The following RAB2A variants were observed in gnomAD, a reference collection of about 807,000 sequenced individuals.
The protein encoded by RAB2A is RAB2A, member RAS oncogene family, also known as ras-related protein Rab-2A.
In RAB2A, 7 loss-of-function variants were observed where a neutral mutation model predicts 32.5. The observed-to-expected ratio is 0.22, with a 90% confidence interval of 0.12 to 0.40. The LOEUF (loss-of-function observed/expected upper bound fraction) is 0.40. Among genes scored for constraint, RAB2A ranks in the 10% least tolerant of loss-of-function variants. The pLI is 1.00. For synonymous variants in RAB2A, 79 were observed against 85.2 expected (o/e 0.93, Z 0.40); for missense variants, 108 against 260.7 (o/e 0.41, Z 4.03).
At chr8:60,566,323 T>G (rs1808112802) in intron 2 of RAB2A, among the ~76,000 whole-genome samples, 1 of 152,218 alleles carries the variant, frequency 6.6e-6, no homozygotes, top group Admixed American at 6.5e-5. Context: ...CAAAAAAATT[T>G]TTACTTTTTC....
At chr8:60,614,071 T>A (rs1363304578) in intron 6 of RAB2A, among the ~76,000 whole-genome samples, 1 of 152,004 alleles carries the variant, frequency 6.6e-6, no homozygotes, top group Non-Finnish European at 1.5e-5. Flanking sequence ...AAATATTCTA[T>A]TGAAGATCAT....
In RAB2A at chr8:60,572,054, T is replaced by A. The variant is rs1293334726; in HGVS notation, c.127T>A (p.Phe43Ile). ...PVHDLTIGVE[F>I]GARMITIDGK... The stretch of plus-strand genomic sequence containing the variant: ...TTTCCTACTCTATTTAGGTGTAGAG[T>A]TCGGTGCTCGAATGATAACTATTGA... The change falls in exon 3 of 8, where the codon TTC becomes ATC. Residue 43 changes from phenylalanine (F) to isoleucine (I), a missense_variant. Physicochemically the swap from Phe to Ile is conservative, Grantham distance 21. This residue lies in a region of RAB2A where 79 missense variants were observed against 199.8 expected (regional missense o/e 0.40). Transcript: ENST00000262646. 2 of 1,543,400 alleles carry A rather than the reference T, an allele frequency of 1.3e-6. No homozygotes were observed. The highest frequency in any genetic ancestry group is 2.4e-5 in the East Asian group (1 of 42,142).
chr8:60,604,746 G>A (rs2150434255), intron 6 of RAB2A, among the ~76,000 whole-genome samples: 1 of 152,302 alleles, frequency 6.6e-6, no homozygotes, highest in Non-Finnish European at 1.5e-5. Context: ...TTGAAGATGT[G>A]GCCTGGTTGC....
chr8:60,549,424 G>A (rs1479156779), intron 1 of RAB2A, among the ~76,000 whole-genome samples: 1 of 152,064 alleles, frequency 6.6e-6, no homozygotes, highest in Non-Finnish European at 1.5e-5. Flanking sequence ...GATCACTCGC[G>A]GTTAGGAGCT....
At chr8:60,532,984 A>G (rs1807499928) in intron 1 of RAB2A, among the ~76,000 whole-genome samples, 2 of 152,248 alleles carry the variant, frequency 1.3e-5, no homozygotes, top group Admixed American at 6.5e-5. Flanking sequence ...TTGGATTTTA[A>G]CTGACAGAAT....
At chr8:60,605,871 G>C (rs1277035631) in intron 6 of RAB2A, among the ~76,000 whole-genome samples, 1 of 123,340 alleles carries the variant, frequency 8.1e-6, no homozygotes, top group Non-Finnish European at 1.5e-5. Context: ...ATTTCAAGCT[G>C]GGGGTGGTGG....
rs529364293 is a variant in RAB2A, at chr8:60,588,605, A to G, written c.363-3253A>G. On this transcript the variant is annotated intron_variant, in intron 5 of 7. Transcript: ENST00000262646. Reference sequence around the variant, plus strand: ...AAATACCATGTGATTACATTTATATAAAAATCCTAGTAAATGTGTACTAAT... The same window carrying G: ...AAATACCATGTGATTACATTTATATGAAAATCCTAGTAAATGTGTACTAAT... Among the ~76,000 whole-genome samples, 341 of 152,338 alleles carry G rather than the reference A, an allele frequency of 2.2e-3. 1 individual carries two copies. Among genetic ancestry groups the G allele is most frequent in the Non-Finnish European group, 4.0e-3 (275 of 68,018 alleles).
At chr8:60,570,012 G>A (rs905074225) in intron 2 of RAB2A, 1 of 456,140 alleles carries the variant, frequency 2.2e-6, no homozygotes, top group African/African-American at 2.0e-5. Context: ...CCTGCAGCAG[G>A]AGCAGTTGTG....
intron 1 of RAB2A, chr8:60,552,006 T>TTTTTTTG (rs1807858431): frequency 9.1e-6 from 1 of 109,760 alleles, no homozygotes; most frequent in African/African-American, 3.0e-5. Context: ...TGGGAGTTTT[T>TTTTTTTG]TTTTTTTTTT....
chr8:60,599,199 A>G (rs1294882235), intron 6 of RAB2A, among the ~76,000 whole-genome samples: 3 of 152,140 alleles, frequency 2.0e-5, no homozygotes, highest in Non-Finnish European at 4.4e-5. Flanking sequence ...ATAAAATGAA[A>G]TACTTAGGGG....
At chr8:60,527,007 A>T (rs2130807793) in intron 1 of RAB2A, among the ~76,000 whole-genome samples, 1 of 151,722 alleles carries the variant, frequency 6.6e-6, no homozygotes, top group South Asian at 2.1e-4. Context: ...GGGACTGGGG[A>T]ATTTATGAAG....
intron 1 of RAB2A, among the ~76,000 whole-genome samples, chr8:60,549,238 G>T: frequency 6.6e-6 from 1 of 152,196 alleles, no homozygotes; most frequent in African/African-American, 2.4e-5. Flanking sequence ...CAGACGGGGT[G>T]GCGGCCGGGC....
chr8:60,554,579 C>T (rs1206229880), intron 1 of RAB2A, among the ~76,000 whole-genome samples: 1 of 152,108 alleles, frequency 6.6e-6, no homozygotes, highest in Non-Finnish European at 1.5e-5. Flanking sequence ...GTTTAGTAGG[C>T]AGTTGGAAAT....
intron 6 of RAB2A, among the ~76,000 whole-genome samples, chr8:60,608,613 C>T (rs1262673668): frequency 6.7e-6 from 1 of 149,138 alleles, no homozygotes; most frequent in Admixed American, 6.6e-5. Context: ...TCCTTTACCC[C>T]CACCCCACCT....
Position 60,517,832 on chromosome 8 carries a change from C to T in RAB2A, c.46+579C>T, listed in dbSNP as rs1586055410. Reference sequence around the variant, plus strand: ...ATATATATAAAATATGCTTTTTTAACACCTTCAACTCTCACGTCAGAATAA... The same window carrying T: ...ATATATATAAAATATGCTTTTTTAATACCTTCAACTCTCACGTCAGAATAA... On this transcript the variant is annotated intron_variant, in intron 1 of 7. Transcript: ENST00000262646. Among the ~76,000 whole-genome samples the T allele has an allele frequency of 2.6e-5, 4 of 152,100 alleles. No individual in the cohort carries two copies. In the East Asian group the frequency reaches 7.7e-4, roughly 29 times the overall value.
chr8:60,534,124 T>G (rs13262390), intron 1 of RAB2A, among the ~76,000 whole-genome samples: 1 of 151,988 alleles, frequency 6.6e-6, no homozygotes, highest in African/African-American at 2.4e-5. Context: ...TGTACGAAGT[T>G]CTAAAGGTGT....
intron 1 of RAB2A, among the ~76,000 whole-genome samples, chr8:60,550,162 C>T (rs1807823627): frequency 6.6e-6 from 1 of 152,246 alleles, no homozygotes; most frequent in South Asian, 2.1e-4. Flanking sequence ...CACTCTCAAT[C>T]TGCTCTACCT....
At chr8:60,527,251 C>T (rs1807406964) in intron 1 of RAB2A, among the ~76,000 whole-genome samples, 1 of 152,154 alleles carries the variant, frequency 6.6e-6, no homozygotes, top group Non-Finnish European at 1.5e-5. Context: ...CTCTGTGACC[C>T]AATCAGCTCC....
chr8:60,549,233 G>A (rs1000918063), intron 1 of RAB2A, among the ~76,000 whole-genome samples: 4 of 152,270 alleles, frequency 2.6e-5, no homozygotes, highest in Non-Finnish European at 5.9e-5. Context: ...CTTCCCAGAC[G>A]GGGTGGCGGC....
Sources: gnomAD v4.1 joint callset for allele counts (sites outside exome capture counted in the v4.1 genomes callset) on GRCh38, gnomAD v4.1.1 for gene constraint, gnomAD v4.1.1 regional missense constraint, MANE v1.5 for transcripts, NCBI Gene and HGNC (gene_info 2026-07-23, HGNC 2026-07-21) for gene names.